Variants in USP9X observed in about 807,000 individuals in gnomAD.
The protein encoded by USP9X is ubiquitin specific peptidase 9 X-linked.
Under a neutral mutation model 190.3 loss-of-function variants are expected in USP9X, and 7 were observed. That is an observed-to-expected ratio of 0.04 (90% CI 0.02 to 0.07). USP9X has a LOEUF of 0.07. Among genes scored for constraint, USP9X ranks in the 10% least tolerant of loss-of-function variants. The pLI, the probability that USP9X is intolerant of heterozygous loss-of-function variation, is 1.00. For synonymous variants in USP9X, 645 were observed against 659.5 expected (o/e 0.98, Z 0.34); for missense variants, 1,010 against 1,916.9 (o/e 0.53, Z 8.83).
chrX:41,126,191 G>T (rs183767355), intron 2 of USP9X, among the ~76,000 whole-genome samples: 11 of 111,436 alleles, frequency 9.9e-5, no homozygotes, highest in African/African-American at 1.6e-4. Context: ...CAAGTCGGGG[G>T]TTTTTTCTCC....
At chrX:41,222,925 G>A (rs2063277622) in intron 38 of USP9X, among the ~76,000 whole-genome samples, 1 of 111,342 alleles carries the variant, frequency 9.0e-6, no homozygotes, top group South Asian at 3.7e-4. Flanking sequence ...GAAAGAAAGT[G>A]TTCATCTTCC....
chrX:41,103,375 CAT>C (rs2062048057), intron 1 of USP9X, among the ~76,000 whole-genome samples: 1 of 112,252 alleles, frequency 8.9e-6, no homozygotes, highest in Admixed American at 9.4e-5. Flanking sequence ...ATGACTGCCT[CAT>C]AATCAAGAAC....
Position 41,232,612 on chromosome X carries a change from T to C in USP9X, c.*88T>C. 9.4e-7 allele frequency: 1 copy of C among 1,062,127 alleles called. No individual in the cohort carries two copies. Among genetic ancestry groups the C allele is most frequent in the Non-Finnish European group, 1.3e-6 (1 of 795,349 alleles). The allele number at this position is 1,062,127 out of a possible 1,213,427, so 87.5% of individuals were successfully genotyped here. A position where few individuals can be genotyped will look rare whatever the true frequency, so the allele number is the denominator to read the frequency against. On this transcript the variant is annotated 3_prime_UTR_variant, in exon 45 of 45. Coordinates refer to ENST00000378308, the MANE Select transcript of USP9X (RefSeq NM_001039591.3). ...TCTGTGTCTGGCTAATATTTAAAAC[T>C]AGAAAAACTATTCCTAATCAACATG...
At position 41,134,700 on chromosome X, in the gene USP9X, A is replaced by G. The variant is rs755290132; in HGVS notation, c.323-25A>G. 5.1e-6 allele frequency: 6 copies of G among 1,170,285 alleles called. No homozygotes were observed. The East Asian group carries it at 1.2e-4, about 23-fold the overall frequency. On this transcript the variant is annotated intron_variant, in intron 4 of 44. Transcript: ENST00000378308. Reference sequence around the variant, plus strand: ...ACAACCAGATGAACATTTTGTTTGCATTAATTTTTCTCCCTTTTTCTTAGG... The same window carrying G: ...ACAACCAGATGAACATTTTGTTTGCGTTAATTTTTCTCCCTTTTTCTTAGG...
At chrX:41,126,139 T>A (rs755339073) in intron 2 of USP9X, among the ~76,000 whole-genome samples, 1 of 112,243 alleles carries the variant, frequency 8.9e-6, no homozygotes, top group East Asian at 2.8e-4. Context: ...CTTCTGTCTG[T>A]CTCTCCTTTT....
Position 41,178,084 on chromosome X carries a change from CTTTTTTTTTTTT to C in USP9X, c.3149-5895_3149-5884del, listed in dbSNP as rs758055868. 2.0e-4 allele frequency among the ~76,000 whole-genome samples: 7 copies of C among 34,315 alleles called. No individual in the cohort carries two copies. In the East Asian group the frequency reaches 6.1e-3, roughly 30 times the overall value. 29.8% of individuals were successfully genotyped at this position (34,315 alleles called of 115,157 possible). A position where few individuals can be genotyped will look rare whatever the true frequency, so the allele number is the denominator to read the frequency against. Reference sequence around the variant, plus strand: ...AGAAATCAAAATCCGAGGTTTAAATCTTTTTTTTTTTTTTTTTTTTTTTTTTTTTTGAGACGG... The same window carrying C: ...AGAAATCAAAATCCGAGGTTTAAATCTTTTTTTTTTTTTTTTTTGAGACGG... On this transcript the variant is annotated intron_variant, in intron 21 of 44. Coordinates refer to ENST00000378308, the MANE Select transcript of USP9X (RefSeq NM_001039591.3).
chrX:41,151,307 A>T (rs1317603643), intron 13 of USP9X, among the ~76,000 whole-genome samples: 1 of 111,566 alleles, frequency 9.0e-6, no homozygotes, highest in African/African-American at 3.3e-5. Context: ...TTGGTTCAGA[A>T]TTATTATTAT....
chrX:41,120,101 C>T (rs891554092), intron 1 of USP9X, among the ~76,000 whole-genome samples: 6 of 111,558 alleles, frequency 5.4e-5, no homozygotes, highest in Non-Finnish European at 9.4e-5. Context: ...TGTTTTGCTT[C>T]GCCAGTTTGA....
At chrX:41,158,927 A>G (rs779977853) in intron 14 of USP9X, among the ~76,000 whole-genome samples, 1 of 112,098 alleles carries the variant, frequency 8.9e-6, no homozygotes, top group East Asian at 2.8e-4. Flanking sequence ...AATAGAAGGG[A>G]ACTTCCTCTA....
intron 12 of USP9X, 39 bp downstream of exon 12, chrX:41,148,614 C>A (rs1337643806): frequency 1.7e-6 from 2 of 1,150,791 alleles, no homozygotes; most frequent in South Asian, 3.7e-5. Flanking sequence ...TGTGACTTTT[C>A]CCCTTCAGTT....
chrX:41,126,256 A>G (rs2062250322), intron 2 of USP9X, among the ~76,000 whole-genome samples: 1 of 111,621 alleles, frequency 9.0e-6, no homozygotes, highest in Admixed American at 9.5e-5. Flanking sequence ...CATTTTCGAG[A>G]CATAAAATAT....
At chrX:41,151,454 T>C (rs1188416777) in intron 13 of USP9X, among the ~76,000 whole-genome samples, 1 of 112,235 alleles carries the variant, frequency 8.9e-6, no homozygotes, top group Non-Finnish European at 1.9e-5. Flanking sequence ...TTATTTTAGC[T>C]AAATTTCTTT....
chrX:41,168,799 AAAGAGCTCTT>A (rs2062699899), intron 18 of USP9X, among the ~76,000 whole-genome samples: 1 of 112,067 alleles, frequency 8.9e-6, no homozygotes, highest in South Asian at 3.6e-4. Flanking sequence ...CCTGGCCTGT[AAAGAGCTCTT>A]AAAAGCTGCC....
At chrX:41,186,408 A>G in intron 23 of USP9X, 109 bp from the exon 24 acceptor site, 1 of 896,090 alleles carries the variant, frequency 1.1e-6, no homozygotes, top group Non-Finnish European at 1.6e-6. Context: ...TATAATGTGT[A>G]TATGCAAGGA....
At chrX:41,152,053 C>T (rs2062532386) in intron 13 of USP9X, among the ~76,000 whole-genome samples, 1 of 112,102 alleles carries the variant, frequency 8.9e-6, no homozygotes. Context: ...GGATCCTTTA[C>T]AGCTCTAGAT....
intron 12 of USP9X, among the ~76,000 whole-genome samples, chrX:41,149,953 G>A (rs894733122): frequency 2.7e-5 from 3 of 110,827 alleles, no homozygotes; most frequent in Non-Finnish European, 5.7e-5. Flanking sequence ...TGATCCACCC[G>A]CCTCGGCCTC....
intron 1 of USP9X, among the ~76,000 whole-genome samples, chrX:41,117,926 C>T (rs930325551): frequency 5.4e-5 from 6 of 110,737 alleles, no homozygotes; most frequent in Non-Finnish European, 9.5e-5. Context: ...GGCACCACCT[C>T]GGCTCACTGC....
chrX:41,101,576 T>C (rs948413272), intron 1 of USP9X, among the ~76,000 whole-genome samples: 10 of 111,116 alleles, frequency 9.0e-5, no homozygotes, highest in African/African-American at 3.3e-4. Flanking sequence ...TCAGCCTCCC[T>C]AGTAGCTGGG....
intron 21 of USP9X, among the ~76,000 whole-genome samples, chrX:41,182,969 G>A (rs1186658178): frequency 1.9e-5 from 2 of 103,400 alleles, no homozygotes; most frequent in African/African-American, 3.6e-5. Context: ...ATGGAGTTTC[G>A]CTCTTGTTGC....
Sources: allele counts gnomAD v4.1 joint callset (sites outside exome capture counted in the v4.1 genomes callset), GRCh38; gene constraint gnomAD v4.1.1; transcripts MANE v1.5; gene names NCBI Gene and HGNC (gene_info 2026-07-23, HGNC 2026-07-21).